The following POU1F1 variants were observed in gnomAD, a reference collection of about 807,000 sequenced individuals.
POU1F1 encodes POU class 1 homeobox 1.
Under a neutral mutation model 32.3 loss-of-function variants are expected in POU1F1, and 23 were observed. The ratio of observed to expected loss-of-function variants is 0.71; its 90% CI spans 0.51 to 1.01. POU1F1 has a LOEUF of 1.01. POU1F1 is among the 50% of genes least tolerant of loss of function. POU1F1 has a pLI of 0.00. For missense variants in POU1F1, 323 were observed against 341.6 expected, an observed-to-expected ratio of 0.95 and a Z score of 0.43; for synonymous variants, 120 against 115.6, an observed-to-expected ratio of 1.04 and a Z score of -0.25.
At chr3:87,276,204 A>T (rs1337467294) in intron 1 of POU1F1, 117 bp downstream of exon 1, 32 of 1,340,786 alleles carry the variant, frequency 2.4e-5, no homozygotes, top group Non-Finnish European at 3.4e-5. Flanking sequence ...CTTAAGACAA[A>T]TTAAATTGGA....
At chr3:87,274,252 C>G (rs1425363859) in intron 1 of POU1F1, among the ~76,000 whole-genome samples, 1 of 152,034 alleles carries the variant, frequency 6.6e-6, no homozygotes, top group Non-Finnish European at 1.5e-5. Context: ...TGGAAGTAAA[C>G]TGGAATTATT....
Position 87,273,408 on chromosome 3 carries a change from A to C in POU1F1, c.153T>G (p.Leu51=). The C allele has an allele frequency of 1.9e-6, 3 of 1,612,144 alleles. No homozygotes were observed. The highest frequency in any genetic ancestry group is 2.5e-6 in the Non-Finnish European group (3 of 1,178,470). ...ATNVMSTATG[L]HYSVPSCHYG... ...AATGACAGGAAGGAACAGAATAATG[A>C]AGTCCTGTTGCTGTGTTTCCCAACG... The change falls in exon 2 of 6, where the codon CTT becomes CTG. Residue 51 remains leucine, a synonymous_variant. Coordinates refer to ENST00000350375, the MANE Select transcript of POU1F1 (RefSeq NM_000306.4).
rs144564187 is a variant in POU1F1, at chr3:87,259,585, A to T, written c.*309T>A. The T allele has an allele frequency of 9.9e-6, 3 of 304,090 alleles. No homozygotes were observed. Among genetic ancestry groups the T allele is most frequent in the Non-Finnish European group, 1.8e-5 (3 of 163,572 alleles). The allele number at this position is 304,090 out of a possible 1,614,324, so 18.8% of individuals were successfully genotyped here. A position where few individuals can be genotyped will look rare whatever the true frequency, so the allele number is the denominator to read the frequency against. ...ATACATGTTTGGAAAAGGAACTTAT[A>T]AACCCATACTCATATGTCTGCGTGT... On this transcript the variant is annotated 3_prime_UTR_variant, in exon 6 of 6. Coordinates refer to ENST00000350375, the MANE Select transcript of POU1F1 (RefSeq NM_000306.4).
chr3:87,273,320 T>C (rs1575982840), intron 2 of POU1F1, 27 bp downstream of exon 2: 1 of 1,598,338 alleles, frequency 6.3e-7, no homozygotes, highest in Non-Finnish European at 8.6e-7. Flanking sequence ...CCAAATTCAA[T>C]AACATGTAAA....
intron 1 of POU1F1, 84 bp downstream of exon 1, chr3:87,276,237 G>T: frequency 6.7e-7 from 1 of 1,503,030 alleles, no homozygotes; most frequent in African/African-American, 1.4e-5. Context: ...AAGATGCAAA[G>T]AGATTATTAA....
At chr3:87,260,866 TTTTTTTTTTATTTA>T (rs1559614093) in intron 5 of POU1F1, among the ~76,000 whole-genome samples, 8 of 7,804 alleles carry the variant, frequency 1.0e-3, no homozygotes, top group Admixed American at 1.4e-3. Flanking sequence ...ATTATTATTA[TTTTTTTTTTATTTA>T]TTTATTTATT....
intron 2 of POU1F1, among the ~76,000 whole-genome samples, chr3:87,267,952 G>A (rs1706654465): frequency 6.6e-6 from 1 of 152,046 alleles, no homozygotes; most frequent in Admixed American, 6.6e-5. Context: ...CTCTGGGAAA[G>A]TGGACACGCA....
At chr3:87,276,233 C>A (rs1706822580) in intron 1 of POU1F1, 88 bp downstream of exon 1, 1 of 1,495,506 alleles carries the variant, frequency 6.7e-7, no homozygotes, top group Non-Finnish European at 9.3e-7. Context: ...ATGAAAGATG[C>A]AAAGAGATTA....
intron 2 of POU1F1, among the ~76,000 whole-genome samples, chr3:87,267,260 G>A (rs1169129628): frequency 6.6e-6 from 1 of 152,044 alleles, no homozygotes; most frequent in Non-Finnish European, 1.5e-5. Flanking sequence ...TACAAAAAAT[G>A]AGTCAGGAAA....
intron 2 of POU1F1, among the ~76,000 whole-genome samples, chr3:87,272,180 T>C (rs1005457203): frequency 6.6e-6 from 1 of 151,876 alleles, no homozygotes; most frequent in Non-Finnish European, 1.5e-5. Flanking sequence ...TTTCCCTCAG[T>C]ATCACACACA....
At chr3:87,275,421 A>G (rs1040180461) in intron 1 of POU1F1, among the ~76,000 whole-genome samples, 12 of 152,184 alleles carry the variant, frequency 7.9e-5, no homozygotes, top group Non-Finnish European at 1.8e-4. Context: ...GTATCAACTC[A>G]AACTTTGATT....
At position 87,268,242 on chromosome 3, in the gene POU1F1, C is replaced by T. The variant is rs978931261; in HGVS notation, c.215-3730G>A. 5.9e-5 allele frequency among the ~76,000 whole-genome samples: 9 copies of T among 151,314 alleles called. No individual in the cohort carries two copies. The South Asian group carries it at 1.5e-3, about 25-fold the overall frequency. On this transcript the variant is annotated intron_variant, in intron 2 of 5. Transcript: ENST00000350375. ...TACAGGTGCCTGCCACCACACCCGG[C>T]TAATTTTTATATTTTTTAATTTATT...
intron 1 of POU1F1, 200 bp from the exon 2 acceptor site, chr3:87,273,618 G>A: frequency 1.0e-6 from 1 of 1,000,064 alleles, no homozygotes; most frequent in Non-Finnish European, 1.4e-6. Context: ...TCTCTGACGA[G>A]TAGGTTAAAA....
chr3:87,264,712 T>C (rs1575978158), intron 2 of POU1F1, among the ~76,000 whole-genome samples, 200 bp from the exon 3 acceptor site: 2 of 152,084 alleles, frequency 1.3e-5, no homozygotes, highest in Non-Finnish European at 2.9e-5. Flanking sequence ...TTCTACCTTC[T>C]CCAGAGCAGC....
In POU1F1 at chr3:87,260,010, C is replaced by T. The variant is rs553845639; in HGVS notation, c.760G>A (p.Glu254Lys). Reference protein sequence around the residue: ...IMRMAEELNLEKEVVRVWFCN... With the variant: ...IMRMAEELNLKKEVVRVWFCN... Reference sequence around the variant, plus strand: ...AACCAAACTCTTACTACTTCTTTCTCCAGATTCAGTTCTTCAGCCATCCTC... The same window carrying T: ...AACCAAACTCTTACTACTTCTTTCTTCAGATTCAGTTCTTCAGCCATCCTC... Residue 254 changes from glutamate (E) to lysine (K), a missense_variant, in exon 6 of 6, where the codon GAG (glutamate) becomes AAG (lysine). Physicochemically the swap from Glu to Lys is moderately conservative, Grantham distance 56. Coordinates refer to ENST00000350375, the MANE Select transcript of POU1F1 (RefSeq NM_000306.4). 1 of 1,614,064 alleles carries T rather than the reference C, an allele frequency of 6.2e-7. No individual in the cohort carries two copies. Among genetic ancestry groups the T allele is most frequent in the African/African-American group, 1.3e-5 (1 of 75,032 alleles).
chr3:87,270,877 T>A (rs903000729), intron 2 of POU1F1, among the ~76,000 whole-genome samples: 1 of 152,120 alleles, frequency 6.6e-6, no homozygotes, highest in East Asian at 1.9e-4. Flanking sequence ...AGATCTAATC[T>A]CTCATGAAGC....
intron 2 of POU1F1, among the ~76,000 whole-genome samples, chr3:87,268,082 C>CT (rs1706657404): frequency 8.8e-6 from 1 of 113,484 alleles, no homozygotes. Flanking sequence ...TTTTCCCTTT[C>CT]CCTTTTTTTT....
Position 87,261,310 on chromosome 3 carries a change from C to T in POU1F1, c.628G>A (p.Ala210Thr), listed in dbSNP as rs1487211303. 5.0e-6 allele frequency: 8 copies of T among 1,592,560 alleles called. No homozygotes were observed. Among genetic ancestry groups the T allele is most frequent in the Non-Finnish European group, 6.0e-6 (7 of 1,164,754 alleles). Residue 210 changes from alanine (A) to threonine (T), a missense_variant, in exon 5 of 6, where the codon GCA becomes ACA. Transcript: ENST00000350375. ...VGALYNEKVG[A>T]NERKRKRRTT... ...CTTCGTTTTCTTTTCCTTTCATTTG[C>T]TCCCACTTTTTCATTGTACAAAGCT...
chr3:87,270,893 C>T (rs1559617886), intron 2 of POU1F1, among the ~76,000 whole-genome samples: 1 of 151,972 alleles, frequency 6.6e-6, no homozygotes, highest in African/African-American at 2.4e-5. Context: ...GAAGCAAATG[C>T]TAATACTGAA....
Sources: gnomAD v4.1 joint callset for allele counts (sites outside exome capture counted in the v4.1 genomes callset) on GRCh38, gnomAD v4.1.1 for gene constraint, MANE v1.5 for transcripts, NCBI Gene and HGNC (gene_info 2026-07-23, HGNC 2026-07-21) for gene names.